COL6A3: variants seen among roughly 807,000 people sequenced by gnomAD.
COL6A3 encodes collagen type VI alpha 3 chain.
Under a neutral mutation model 274.1 loss-of-function variants are expected in COL6A3, and 137 were observed. The ratio of observed to expected loss-of-function variants is 0.50; its 90% CI spans 0.44 to 0.58. The LOEUF (loss-of-function observed/expected upper bound fraction) is 0.58. Among genes scored for constraint, COL6A3 ranks in the 20% least tolerant of loss-of-function variants. The pLI is 0.00. For synonymous variants in COL6A3, 1,650 were observed against 1,650.6 expected (o/e 1.00, Z 0.01); for missense variants, 3,950 against 4,124.9 (o/e 0.96, Z 1.16).
intron 9 of COL6A3, among the ~76,000 whole-genome samples, chr2:237,370,175 C>T (rs1321714189): frequency 6.6e-6 from 1 of 151,322 alleles, no homozygotes; most frequent in East Asian, 2.0e-4. Context: ...CCCACCCACC[C>T]TGACTCATTT....
chr2:237,343,962 A>C, intron 36 of COL6A3: 1 of 354,040 alleles, frequency 2.8e-6, no homozygotes, highest in Non-Finnish European at 5.5e-6. Context: ...ACAGTAAGAC[A>C]CAGCTCAGAG....
At position 237,362,913 on chromosome 2, in the gene COL6A3, T is replaced by G. The variant is rs115541987; in HGVS notation, c.6063+340A>C. Reference sequence around the variant, plus strand: ...GATTTCAGATGCTCTTGACACAGTTTCCAATTGGAGGATGGACAATCTCGA... The same window carrying G: ...GATTTCAGATGCTCTTGACACAGTTGCCAATTGGAGGATGGACAATCTCGA... On this transcript the variant is annotated intron_variant, in intron 14 of 43. Transcript: ENST00000295550. 3.8e-3 allele frequency among the ~76,000 whole-genome samples: 577 copies of G among 152,284 alleles called. 4 individuals carry two copies. The highest frequency in any genetic ancestry group is 0.014 in the African/African-American group (563 of 41,552).
intron 27 of COL6A3, among the ~76,000 whole-genome samples, chr2:237,350,728 T>C (rs1307224534): frequency 6.6e-6 from 1 of 152,240 alleles, no homozygotes; most frequent in Non-Finnish European, 1.5e-5. Context: ...GCTGAGCCAC[T>C]GTGCGTGCAC....
At position 237,395,021 on chromosome 2, in the gene COL6A3, A is replaced by G. The variant is rs774887457; in HGVS notation, c.275T>C (p.Leu92Pro). The change falls in exon 3 of 44, where the codon CTG becomes CCG. Residue 92 changes from leucine to proline, a missense_variant. By Grantham distance (98) the Leu-to-Pro change is moderately conservative. This residue lies in a region of COL6A3 where 1,934 missense variants were observed against 1,984.3 expected (regional missense o/e 0.97). Coordinates refer to ENST00000295550, the MANE Select transcript of COL6A3 (RefSeq NM_004369.4). ...TTGTTTAGTACGATACGTATTTAACAGGAACTCGGTATGTGGGTTTCCGTT... is the reference window on the plus strand; with the variant it reads ...TTGTTTAGTACGATACGTATTTAACGGGAACTCGGTATGTGGGTTTCCGTT... ...QFNGNPHTEF[L>P]LNTYRTKQEV... is the part of the protein sequence containing the mutation. 6.2e-7 allele frequency: 1 copy of G among 1,614,218 alleles called. No individual in the cohort carries two copies. Among genetic ancestry groups the G allele is most frequent in the Non-Finnish European group, 8.5e-7 (1 of 1,180,026 alleles).
At position 237,368,765 on chromosome 2, in the gene COL6A3, C is replaced by T. The variant is rs753504530; in HGVS notation, c.4698G>A (p.Ser1566=). 12 of 1,614,048 alleles carry T rather than the reference C, an allele frequency of 7.4e-6. No individual in the cohort carries two copies. Among genetic ancestry groups the T allele is most frequent in the East Asian group, 2.2e-5 (1 of 44,880 alleles). ...VSRFAQVIRS[S]GIVSLGVGDR... is the part of the protein sequence containing the mutation. Reference sequence around the variant, plus strand: ...CTCCTACCCCTAAACTCACAATGCCCGAGGAACGGATCACCTGGGCGAACC... The same window carrying T: ...CTCCTACCCCTAAACTCACAATGCCTGAGGAACGGATCACCTGGGCGAACC... The change falls in exon 10 of 44, where the codon TCG becomes TCA. Residue 1566 remains serine (S), a synonymous_variant. Coordinates refer to ENST00000295550, the MANE Select transcript of COL6A3 (RefSeq NM_004369.4). This position sits in a 1 kb window ranked among gnomAD's most constrained non-coding sequence, Gnocchi z 4.4.
intron 28 of COL6A3, among the ~76,000 whole-genome samples, chr2:237,348,895 G>A (rs555127689): frequency 9.2e-5 from 14 of 152,240 alleles, no homozygotes; most frequent in South Asian, 2.1e-4. Flanking sequence ...TGGCACTGGC[G>A]GACTAACATA....
chr2:237,353,495 G>T (rs1304346031), intron 24 of COL6A3, 92 bp from the exon 25 acceptor site: 2 of 1,151,212 alleles, frequency 1.7e-6, no homozygotes, highest in East Asian at 4.7e-5. Context: ...CCAGGGACTT[G>T]GAAAGCAACC....
At chr2:237,359,897 G>A (rs1362417968) in intron 17 of COL6A3, among the ~76,000 whole-genome samples, 191 bp downstream of exon 17, 2 of 152,108 alleles carry the variant, frequency 1.3e-5, no homozygotes, top group African/African-American at 2.4e-5. Context: ...CCATTCTCAG[G>A]CTCCCCACCA....
rs770214487 is a variant in COL6A3, at chr2:237,340,543, G to A, written c.8373C>T (p.Asn2791=). The A allele has an allele frequency of 2.4e-5, 38 of 1,614,052 alleles. No individual in the cohort carries two copies. In the Admixed American group the frequency reaches 2.8e-4, roughly 12 times the overall value. Residue 2791 remains asparagine, a synonymous_variant, in exon 38 of 44, where the codon AAC becomes AAT. Transcript: ENST00000295550. The stretch of plus-strand genomic sequence containing the variant: ...TGTCCACTAATTTGAAGAAGACGTC[G>A]TTTGGCTCACTGGCGAAGGTGTATA... ...KEVYTFASEP[N]DVFFKLVDKS...
chr2:237,353,422 T>C lies in COL6A3; in HGVS notation c.6628-19A>G. 2 of 1,612,024 alleles carry C rather than the reference T, an allele frequency of 1.2e-6. No homozygotes were observed. ...TGTTGCCCTTTGAAATAAGAGAAGA[T>C]GCAGGGAGGAGTCAGGATGGTTCCT... On this transcript the variant is annotated intron_variant, in intron 24 of 43. Coordinates refer to ENST00000295550, the MANE Select transcript of COL6A3 (RefSeq NM_004369.4).
chr2:237,366,278 T>C (rs947933753), intron 11 of COL6A3, among the ~76,000 whole-genome samples: 2 of 152,214 alleles, frequency 1.3e-5, no homozygotes, highest in African/African-American at 2.4e-5. Context: ...GTTGGTGGTG[T>C]TAATTAACTT....
chr2:237,384,332 G>C (rs1288483027), intron 4 of COL6A3, among the ~76,000 whole-genome samples: 1 of 152,068 alleles, frequency 6.6e-6, no homozygotes, highest in African/African-American at 2.4e-5. Context: ...TGGCTCTGCA[G>C]GGCCTGACTT....
At position 237,395,032 on chromosome 2, in the gene COL6A3, A is replaced by G. The variant is rs1182430977; in HGVS notation, c.264T>C (p.His88=). 1.9e-6 allele frequency: 3 copies of G among 1,614,198 alleles called. No individual in the cohort carries two copies. The highest frequency in any genetic ancestry group is 1.7e-6 in the Non-Finnish European group (2 of 1,180,036). ...FALVQFNGNP[H]TEFLLNTYRT... ...GATACGTATTTAACAGGAACTCGGT[A>G]TGTGGGTTTCCGTTGAACTGGACCA... Residue 88 remains histidine (H), a synonymous_variant, in exon 3 of 44, where the codon CAT becomes CAC. Coordinates refer to ENST00000295550, the MANE Select transcript of COL6A3 (RefSeq NM_004369.4).
At chr2:237,345,662 T>C (rs1197988602) in intron 32 of COL6A3, among the ~76,000 whole-genome samples, 2 of 152,172 alleles carry the variant, frequency 1.3e-5, no homozygotes, top group African/African-American at 2.4e-5. Context: ...GACTGACTCG[T>C]GGCTTCCCTC....
rs761148225 is a variant in COL6A3, at chr2:237,374,777, G to GCCC, written c.3313_3314insGGG (p.Thr1105delinsArgAla). On this transcript the variant is annotated protein_altering_variant, in exon 8 of 44. Transcript: ENST00000295550. The surrounding 1 kb of genome is among the most constrained non-coding windows in gnomAD (Gnocchi z 4.8). The stretch of plus-strand genomic sequence containing the variant: ...CTCCAGGGCGGCCCCGGTGTTGGGG[G>GCCC]TCGGCCCTCCCAGCAGGGTCAGCTG... 1 of 1,614,066 alleles carries GCCC rather than the reference G, an allele frequency of 6.2e-7. No homozygotes were observed.
chr2:237,344,902 C>T lies in COL6A3; in HGVS notation c.7174+39G>A. 2 of 1,614,030 alleles carry T rather than the reference C, an allele frequency of 1.2e-6. No homozygotes were observed. The highest frequency in any genetic ancestry group is 8.5e-7 in the Non-Finnish European group (1 of 1,180,028). On this transcript the variant is annotated intron_variant, in intron 35 of 43. Transcript: ENST00000295550. The surrounding 1 kb of genome is among the most constrained non-coding windows in gnomAD (Gnocchi z 4.8). ...AACTGTACTTACTACAAAAGGGAGG[C>T]TTCCTTTCCTTAGGAGAAAGTCACC...
At position 237,364,142 on chromosome 2, in the gene COL6A3, GCTGT is replaced by G. The variant is rs2077496732; in HGVS notation, c.5917+204_5917+207del. 6.6e-6 allele frequency among the ~76,000 whole-genome samples: 1 copy of G among 152,176 alleles called. No individual in the cohort carries two copies. Among genetic ancestry groups the G allele is most frequent in the African/African-American group, 2.4e-5 (1 of 41,444 alleles). On this transcript the variant is annotated intron_variant, in intron 13 of 43. Transcript: ENST00000295550. This position sits in a 1 kb window ranked among gnomAD's most constrained non-coding sequence, Gnocchi z 4.6. ...TGAACAGCCACAACACAACAGTAAAGCTGTCTAAGTACAGAAGGAATTTTTGTTA... is the reference window on the plus strand; with the variant it reads ...TGAACAGCCACAACACAACAGTAAAGCTAAGTACAGAAGGAATTTTTGTTA...
rs1574726196 is a variant in COL6A3, at chr2:237,381,360, C to A, written c.1452G>T (p.Val484=). The change falls in exon 5 of 44, where the codon GTG becomes GTT. Residue 484 remains valine, a synonymous_variant. Coordinates refer to ENST00000295550, the MANE Select transcript of COL6A3 (RefSeq NM_004369.4). ...RLEIGQDLIQ[V]AVAQYADTVR... is the part of the protein sequence containing the mutation. ...CAGTGTCTGCATACTGGGCCACTGCCACCTGGATAAGATCCTGTCCGATTT... is the reference window on the plus strand; with the variant it reads ...CAGTGTCTGCATACTGGGCCACTGCAACCTGGATAAGATCCTGTCCGATTT... The A allele has an allele frequency of 6.2e-7, 1 of 1,614,188 alleles. No homozygotes were observed. Among genetic ancestry groups the A allele is most frequent in the South Asian group, 1.1e-5 (1 of 91,064 alleles).
At chr2:237,393,859 G>A (rs1033072927) in intron 3 of COL6A3, among the ~76,000 whole-genome samples, 2 of 152,104 alleles carry the variant, frequency 1.3e-5, no homozygotes, top group Non-Finnish European at 2.9e-5. Context: ...ATGACACATC[G>A]ATGCAATGTC....
Sources: allele counts gnomAD v4.1 joint callset (sites outside exome capture counted in the v4.1 genomes callset), GRCh38; gene constraint gnomAD v4.1.1; regional missense constraint gnomAD v4.1.1; non-coding constraint Gnocchi (gnomAD v3.1); transcripts MANE v1.5; gene names NCBI Gene and HGNC (gene_info 2026-07-23, HGNC 2026-07-21).